CDH18: variants seen among roughly 807,000 people sequenced by gnomAD.
CDH18 encodes cadherin-18.
A neutral mutation model predicts 67.9 loss-of-function variants in CDH18; 31 were observed. The observed-to-expected ratio is 0.46, with a 90% confidence interval of 0.34 to 0.62. The LOEUF (loss-of-function observed/expected upper bound fraction) is 0.62. CDH18 is among the 20% of genes least tolerant of loss of function. The pLI, the probability that CDH18 is intolerant of heterozygous loss-of-function variation, is 0.01. For missense variants in CDH18, 890 were observed against 975.5 expected, an observed-to-expected ratio of 0.91 and a Z score of 1.17; for synonymous variants, 362 against 347.2, an observed-to-expected ratio of 1.04 and a Z score of -0.48.
chr5:20,341,082 G>T (rs1740217614), intron 1 of CDH18, among the ~76,000 whole-genome samples: 1 of 152,098 alleles, frequency 6.6e-6, no homozygotes, highest in Admixed American at 6.6e-5. Context: ...CCATCTTACA[G>T]CTCCCACATC....
chr5:20,278,867 A>G (rs573523308), intron 1 of CDH18, among the ~76,000 whole-genome samples: 14 of 152,134 alleles, frequency 9.2e-5, no homozygotes, highest in Non-Finnish European at 1.8e-4. Context: ...GGTAACCTCA[A>G]ATCAGAAACC....
At chr5:20,440,509 A>C (rs16887264) in intron 1 of CDH18, among the ~76,000 whole-genome samples, 36,639 of 151,764 alleles carry the variant, frequency 0.24, 4,801 homozygotes, top group East Asian at 0.3. Flanking sequence ...AGAAGGTAAT[A>C]AAAGTTGGAA....
intron 2 of CDH18, among the ~76,000 whole-genome samples, chr5:20,148,312 T>C (rs1169642193): frequency 6.6e-6 from 1 of 152,104 alleles, no homozygotes; most frequent in Non-Finnish European, 1.5e-5. Context: ...TTAGCCAGGA[T>C]GGTCTCGATC....
chr5:19,643,708 T>C (rs977469886), intron 5 of CDH18, among the ~76,000 whole-genome samples: 2 of 152,126 alleles, frequency 1.3e-5, no homozygotes, highest in Non-Finnish European at 2.9e-5. Context: ...AAGATGTTGG[T>C]CAAGGGCTAC....
chr5:20,448,894 T>C (rs774804304), intron 1 of CDH18, among the ~76,000 whole-genome samples: 1 of 152,114 alleles, frequency 6.6e-6, no homozygotes, highest in Non-Finnish European at 1.5e-5. Flanking sequence ...CTAATTATTG[T>C]TCTAAACTTA....
At chr5:20,220,010 T>G (rs963640407) in intron 2 of CDH18, among the ~76,000 whole-genome samples, 1 of 151,980 alleles carries the variant, frequency 6.6e-6, no homozygotes, top group Non-Finnish European at 1.5e-5. Context: ...TTTATATTCA[T>G]GAGTTGGAAG....
intron 5 of CDH18, among the ~76,000 whole-genome samples, chr5:19,644,558 A>C (rs1309946586): frequency 3.3e-5 from 5 of 152,184 alleles, no homozygotes; most frequent in Non-Finnish European, 7.3e-5. Flanking sequence ...TGTACAGTGG[A>C]GCTCTTTCTG....
intron 1 of CDH18, among the ~76,000 whole-genome samples, chr5:20,550,986 CTAA>C (rs1375544456): frequency 6.6e-6 from 1 of 152,028 alleles, no homozygotes; most frequent in Non-Finnish European, 1.5e-5. Flanking sequence ...CTCCCATGAA[CTAA>C]TAATAGAATG....
chr5:19,486,622 T>C (rs1484526691), intron 11 of CDH18, among the ~76,000 whole-genome samples: 1 of 152,004 alleles, frequency 6.6e-6, no homozygotes, highest in Non-Finnish European at 1.5e-5. Flanking sequence ...TGAAACCCCG[T>C]CTCTACTAAA....
intron 5 of CDH18, among the ~76,000 whole-genome samples, chr5:19,649,376 T>C (rs1167922890): frequency 6.6e-6 from 1 of 152,246 alleles, no homozygotes; most frequent in African/African-American, 2.4e-5. Flanking sequence ...CAGTCCAGTC[T>C]CTATCATTCT....
At chr5:19,954,699 T>C (rs1031202421) in intron 2 of CDH18, among the ~76,000 whole-genome samples, 28 of 152,060 alleles carry the variant, frequency 1.8e-4, no homozygotes, top group Admixed American at 6.6e-5. Flanking sequence ...TATTTTTCAG[T>C]ATATATTCAT....
At chr5:20,384,316 A>T (rs1308733801) in intron 1 of CDH18, among the ~76,000 whole-genome samples, 1 of 152,142 alleles carries the variant, frequency 6.6e-6, no homozygotes, top group African/African-American at 2.4e-5. Flanking sequence ...GACAATTTAG[A>T]TATCACATAA....
At chr5:20,096,773 A>C (rs1325069916) in intron 2 of CDH18, among the ~76,000 whole-genome samples, 1 of 152,176 alleles carries the variant, frequency 6.6e-6, no homozygotes, top group Non-Finnish European at 1.5e-5. Flanking sequence ...AAAAGAAGAC[A>C]AATACAAGAA....
At chr5:20,538,728 C>T (rs930674087) in intron 1 of CDH18, among the ~76,000 whole-genome samples, 3 of 151,926 alleles carry the variant, frequency 2.0e-5, no homozygotes, top group Non-Finnish European at 4.4e-5. Flanking sequence ...AATCTTAAGT[C>T]AGCTTCTCAT....
intron 1 of CDH18, among the ~76,000 whole-genome samples, chr5:20,347,143 C>A (rs990431077): frequency 2.0e-5 from 3 of 152,126 alleles, no homozygotes; most frequent in African/African-American, 7.2e-5. Flanking sequence ...GGTTCCCCCA[C>A]TTATTAGGAC....
At chr5:19,900,217 A>T in intron 2 of CDH18, among the ~76,000 whole-genome samples, 1 of 152,038 alleles carries the variant, frequency 6.6e-6, no homozygotes, top group Non-Finnish European at 1.5e-5. Flanking sequence ...AGAGTAGAAG[A>T]GTGATTACCA....
chr5:19,705,667 T>G (rs887385799), intron 5 of CDH18, among the ~76,000 whole-genome samples: 5 of 151,898 alleles, frequency 3.3e-5, no homozygotes, highest in African/African-American at 1.2e-4. Flanking sequence ...TTCCACATAC[T>G]AATTCATGGA....
At chr5:20,330,463 A>T (rs1739066353) in intron 1 of CDH18, among the ~76,000 whole-genome samples, 1 of 152,188 alleles carries the variant, frequency 6.6e-6, no homozygotes, top group African/African-American at 2.4e-5. Context: ...GTCTTCCAAT[A>T]GATAGAAACA....
chr5:19,669,521 C>G (rs1037707496), intron 5 of CDH18, among the ~76,000 whole-genome samples: 8 of 152,030 alleles, frequency 5.3e-5, no homozygotes, highest in Middle Eastern at 3.4e-3. Flanking sequence ...AAACTCCTGA[C>G]CTCAGGTGAT....
Sources: allele counts gnomAD v4.1 joint callset (sites outside exome capture counted in the v4.1 genomes callset), GRCh38; gene constraint gnomAD v4.1.1; transcripts MANE v1.5; gene names NCBI Gene and HGNC (gene_info 2026-07-23, HGNC 2026-07-21).